Variants in MTUS2 observed in about 807,000 individuals in gnomAD.
MTUS2 encodes microtubule associated scaffold protein 2.
In MTUS2, 40 loss-of-function variants were observed where a neutral mutation model predicts 114.1. The observed-to-expected ratio is 0.35, with a 90% CI of 0.27 to 0.46. MTUS2 has a LOEUF of 0.46. MTUS2 is among the 20% of genes least tolerant of loss of function. The pLI is 1.00. For synonymous variants in MTUS2, 688 were observed against 672.0 expected, an observed-to-expected ratio of 1.02 and a Z score of -0.37; for missense variants, 1,679 against 1,705.4, an observed-to-expected ratio of 0.98 and a Z score of 0.27.
chr13:29,082,045 A>T (rs1335921919), intron 4 of MTUS2, among the ~76,000 whole-genome samples: 9 of 152,116 alleles, frequency 5.9e-5, no homozygotes, highest in Admixed American at 2.6e-4. Context: ...CTAACCCCCA[A>T]TGTGATAGGA....
At chr13:29,389,645 GTA>G (rs1330977572) in intron 8 of MTUS2, among the ~76,000 whole-genome samples, 1 of 141,796 alleles carries the variant, frequency 7.1e-6, no homozygotes, top group Non-Finnish European at 1.5e-5. Context: ...ATATGTGTAT[GTA>G]TATACGTATA....
At chr13:29,123,733 T>TACAC (rs1017897601) in intron 5 of MTUS2, among the ~76,000 whole-genome samples, 2 of 151,800 alleles carry the variant, frequency 1.3e-5, no homozygotes, top group Non-Finnish European at 2.9e-5. Context: ...CACACACGCA[T>TACAC]ACACACACAC....
intron 6 of MTUS2, among the ~76,000 whole-genome samples, chr13:29,298,753 T>C (rs1280809979): frequency 1.3e-5 from 2 of 152,244 alleles, no homozygotes; most frequent in Admixed American, 1.3e-4. Context: ...TATGCATTCC[T>C]TTAATGTAAA....
At position 29,024,886 on chromosome 13, in the gene MTUS2, C is replaced by G. The variant is rs1212720993; in HGVS notation, c.188C>G (p.Thr63Arg). 1.2e-6 allele frequency: 2 copies of G among 1,613,762 alleles called. No homozygotes were observed. Among genetic ancestry groups the G allele is most frequent in the African/African-American group, 2.7e-5 (2 of 74,916 alleles). The change falls in exon 3 of 16, where the codon ACA (threonine) becomes AGA (arginine). Residue 63 changes from threonine to arginine, a missense_variant. Physicochemically the swap from Thr to Arg is moderately conservative, Grantham distance 71. Transcript: ENST00000612955. The part of the protein sequence containing the change: ...TCDLGDEIGN[T>R]NSSEPENRTH... The stretch of plus-strand genomic sequence containing the variant: ...GACCTGGGAGATGAAATTGGAAATA[C>G]AAATTCAAGTGAGCCAGAAAACCGT...
chr13:29,005,493 C>T (rs1015612046), intron 2 of MTUS2, among the ~76,000 whole-genome samples: 7 of 152,156 alleles, frequency 4.6e-5, no homozygotes, highest in African/African-American at 1.2e-4. Flanking sequence ...GGACCCTGCC[C>T]TCTAGAGAAG....
intron 5 of MTUS2, among the ~76,000 whole-genome samples, chr13:29,231,140 A>G (rs1014800418): frequency 6.6e-6 from 1 of 152,192 alleles, no homozygotes; most frequent in African/African-American, 2.4e-5. Flanking sequence ...TTTAGTACAA[A>G]GAATTTCCTG....
intron 5 of MTUS2, among the ~76,000 whole-genome samples, chr13:29,183,794 G>T (rs2139168104): frequency 6.6e-6 from 1 of 152,166 alleles, no homozygotes; most frequent in Non-Finnish European, 1.5e-5. Context: ...TTGATAGATT[G>T]ACCTTAAAAA....
intron 2 of MTUS2, among the ~76,000 whole-genome samples, chr13:29,020,770 C>G (rs1886259111): frequency 1.3e-5 from 2 of 151,170 alleles, no homozygotes; most frequent in African/African-American, 4.9e-5. Flanking sequence ...TAAATGTGTC[C>G]CAGCTCTGCC....
At chr13:29,084,785 C>CCG (rs1889608946) in intron 4 of MTUS2, among the ~76,000 whole-genome samples, 2 of 110,916 alleles carry the variant, frequency 1.8e-5, no homozygotes, top group Admixed American at 1.7e-4. Context: ...TGATCCACCC[C>CCG]CCCCCCTCAC....
At chr13:28,909,666 A>G (rs1023137236) in intron 2 of MTUS2, among the ~76,000 whole-genome samples, 1 of 152,192 alleles carries the variant, frequency 6.6e-6, no homozygotes, top group Non-Finnish European at 1.5e-5. Flanking sequence ...ATAGTGTTGG[A>G]AGTTCTGGCC....
intron 2 of MTUS2, among the ~76,000 whole-genome samples, chr13:28,894,906 A>G (rs1879173778): frequency 6.6e-6 from 1 of 152,256 alleles, no homozygotes; most frequent in African/African-American, 2.4e-5. Flanking sequence ...GTATAGTCAG[A>G]TTAATGAATT....
intron 2 of MTUS2, among the ~76,000 whole-genome samples, chr13:28,861,084 T>C (rs1201154761): frequency 6.6e-6 from 1 of 152,194 alleles, no homozygotes; most frequent in Non-Finnish European, 1.5e-5. Flanking sequence ...GGCAGCTTGC[T>C]GGACAGTGTC....
At chr13:28,927,181 T>C (rs770962243) in intron 2 of MTUS2, among the ~76,000 whole-genome samples, 2 of 152,244 alleles carry the variant, frequency 1.3e-5, no homozygotes, top group Non-Finnish European at 2.9e-5. Context: ...ACATAATTTA[T>C]GAATTTTGCA....
chr13:29,208,755 G>T (rs1415322978), intron 5 of MTUS2, among the ~76,000 whole-genome samples: 1 of 152,024 alleles, frequency 6.6e-6, no homozygotes, highest in Admixed American at 6.6e-5. Context: ...GTTCCTTTTG[G>T]AGGTAATTTT....
At chr13:28,824,376 C>T (rs2137925212) in intron 1 of MTUS2, among the ~76,000 whole-genome samples, 1 of 152,300 alleles carries the variant, frequency 6.6e-6, no homozygotes, top group South Asian at 2.1e-4. Context: ...GTCCTCTAGT[C>T]TCTGTAGATG....
intron 5 of MTUS2, among the ~76,000 whole-genome samples, chr13:29,248,043 T>C (rs1206485581): frequency 6.6e-6 from 1 of 152,240 alleles, no homozygotes; most frequent in Non-Finnish European, 1.5e-5. Context: ...ATGTGACATA[T>C]ATGCCATGGA....
At chr13:28,839,219 G>C (rs1004806087) in intron 1 of MTUS2, among the ~76,000 whole-genome samples, 1 of 151,968 alleles carries the variant, frequency 6.6e-6, no homozygotes, top group African/African-American at 2.4e-5. Flanking sequence ...CTGATTTTTT[G>C]AATTGAAATT....
intron 6 of MTUS2, among the ~76,000 whole-genome samples, chr13:29,284,977 A>G (rs556564422): frequency 6.6e-6 from 1 of 152,256 alleles, no homozygotes; most frequent in East Asian, 1.9e-4. Flanking sequence ...AGGACAAGAA[A>G]TGTAGATCCT....
intron 5 of MTUS2, among the ~76,000 whole-genome samples, chr13:29,183,363 G>C (rs1001386574): frequency 6.6e-6 from 1 of 152,078 alleles, no homozygotes; most frequent in African/African-American, 2.4e-5. Flanking sequence ...AAAACAGCAG[G>C]GGGAACAGGT....
Sources: gnomAD v4.1 joint callset for allele counts (sites outside exome capture counted in the v4.1 genomes callset) on GRCh38, gnomAD v4.1.1 for gene constraint, MANE v1.5 for transcripts, NCBI Gene and HGNC (gene_info 2026-07-23, HGNC 2026-07-21) for gene names.